HTR1E: variants seen among roughly 807,000 people sequenced by gnomAD.
HTR1E encodes 5-hydroxytryptamine receptor 1E.
In HTR1E, 3 loss-of-function variants were observed where a neutral mutation model predicts 3.4. The observed-to-expected ratio is 0.89, with a 90% confidence interval of 0.41 to 2.31. The LOEUF (loss-of-function observed/expected upper bound fraction) is 2.31. Among genes scored for constraint, HTR1E ranks in the 30% most tolerant of loss-of-function variants. The pLI is 0.05. For missense variants in HTR1E, 392 were observed against 467.0 expected (o/e 0.84, Z 1.48); for synonymous variants, 170 against 182.8 (o/e 0.93, Z 0.56).
rs143771749 is a variant in HTR1E, at chr6:87,004,489, A to G, written c.-185-10661A>G. Reference sequence around the variant, plus strand: ...ACATTATGTCAACAGAATAAAGGACAAAAACCATATGGTCACTTCAGTTGA... The same window carrying G: ...ACATTATGTCAACAGAATAAAGGACGAAAACCATATGGTCACTTCAGTTGA... On this transcript the variant is annotated intron_variant, in intron 1 of 1. Transcript: ENST00000305344. Among the ~76,000 whole-genome samples the G allele has an allele frequency of 1.1e-3, 162 of 152,314 alleles. 1 individual carries two copies. The highest frequency in any genetic ancestry group is 3.8e-3 in the African/African-American group (157 of 41,578).
rs571485711 is a variant in HTR1E, at chr6:87,006,330, G to T, written c.-185-8820G>T. On this transcript the variant is annotated intron_variant, in intron 1 of 1. Transcript: ENST00000305344. ...GCTAAGATTTGGAAGCAACCTAAGTGTTCATCAACAAATGAATTGATAAGG... is the reference window on the plus strand; with the variant it reads ...GCTAAGATTTGGAAGCAACCTAAGTTTTCATCAACAAATGAATTGATAAGG... 2.0e-5 allele frequency among the ~76,000 whole-genome samples: 3 copies of T among 152,254 alleles called. No homozygotes were observed. The East Asian group carries it at 5.8e-4, about 29-fold the overall frequency.
intron 1 of HTR1E, among the ~76,000 whole-genome samples, chr6:86,987,674 G>A (rs893893001): frequency 2.0e-5 from 3 of 152,126 alleles, no homozygotes; most frequent in Non-Finnish European, 4.4e-5. Context: ...AGCAAGATGG[G>A]TAATTTATAA....
At chr6:86,995,071 C>T (rs1372434730) in intron 1 of HTR1E, among the ~76,000 whole-genome samples, 2 of 152,062 alleles carry the variant, frequency 1.3e-5, no homozygotes, top group East Asian at 3.9e-4. Context: ...AACAGAAAAA[C>T]ATAAACAGTG....
At chr6:87,012,685 A>G (rs912115345) in intron 1 of HTR1E, among the ~76,000 whole-genome samples, 2 of 152,244 alleles carry the variant, frequency 1.3e-5, no homozygotes, top group Non-Finnish European at 2.9e-5. Context: ...AAATTAGTAT[A>G]ACAAATGACC....
intron 1 of HTR1E, among the ~76,000 whole-genome samples, chr6:87,004,163 C>T (rs929533035): frequency 6.6e-6 from 1 of 152,046 alleles, no homozygotes; most frequent in Non-Finnish European, 1.5e-5. Context: ...CTTCACTGCT[C>T]GATTTTACCA....
Position 86,984,477 on chromosome 6 carries a change from G to A in HTR1E, c.-185-30673G>A, listed in dbSNP as rs1767755450. The stretch of plus-strand genomic sequence containing the variant: ...TACCCATGACTTGGGTTTTAATACT[G>A]TACTCTAACCAGCAGCAAGAGAGAG... On this transcript the variant is annotated intron_variant, in intron 1 of 1. Coordinates refer to ENST00000305344, the MANE Select transcript of HTR1E (RefSeq NM_000865.3). Among the ~76,000 whole-genome samples, 5 of 152,262 alleles carry A rather than the reference G, an allele frequency of 3.3e-5. No individual in the cohort carries two copies. In the South Asian group the frequency reaches 1.0e-3, roughly 32 times the overall value.
rs1027967994 is a variant in HTR1E, at chr6:86,993,816, G to GA, written c.-185-21324dup. 2.3e-3 allele frequency among the ~76,000 whole-genome samples: 339 copies of GA among 147,182 alleles called. 8 individuals carry two copies. In the East Asian group the frequency reaches 0.059, roughly 26 times the overall value. ...GACCAGGAAAATTTAACTTAAATGA[G>GA]AAAAAAAAAATCTGCAGACGAAAAG... On this transcript the variant is annotated intron_variant, in intron 1 of 1. Transcript: ENST00000305344.
At chr6:87,010,767 A>G (rs1768216701) in intron 1 of HTR1E, among the ~76,000 whole-genome samples, 2 of 150,886 alleles carry the variant, frequency 1.3e-5, no homozygotes, top group Non-Finnish European at 3.0e-5. Flanking sequence ...AGAGGCTGCA[A>G]TCTCGGCACT....
chr6:86,971,783 C>G (rs1767561062), intron 1 of HTR1E, among the ~76,000 whole-genome samples: 1 of 152,176 alleles, frequency 6.6e-6, no homozygotes, highest in African/African-American at 2.4e-5. Flanking sequence ...GATTTAGACT[C>G]TAGAGATTCC....
intron 1 of HTR1E, among the ~76,000 whole-genome samples, chr6:86,985,547 C>T (rs1245950231): frequency 6.6e-6 from 1 of 152,012 alleles, no homozygotes; most frequent in African/African-American, 2.4e-5. Flanking sequence ...GAAAAAAAAG[C>T]AAGGCTCAGA....
chr6:87,007,340 G>T (rs182119812), intron 1 of HTR1E, among the ~76,000 whole-genome samples: 1 of 152,146 alleles, frequency 6.6e-6, no homozygotes, highest in South Asian at 2.1e-4. Flanking sequence ...GTAGTTGCAG[G>T]GGGTGGAGAG....
intron 1 of HTR1E, among the ~76,000 whole-genome samples, chr6:86,966,227 G>A (rs1237808474): frequency 2.0e-5 from 3 of 152,070 alleles, no homozygotes; most frequent in Admixed American, 6.5e-5. Context: ...TGAAAATAAA[G>A]TCAGGTTAAG....
chr6:86,959,910 A>G (rs2127820116), intron 1 of HTR1E, among the ~76,000 whole-genome samples: 1 of 152,266 alleles, frequency 6.6e-6, no homozygotes, highest in Admixed American at 6.5e-5. Flanking sequence ...CTGTGTCTGT[A>G]GGGACACTCT....
intron 1 of HTR1E, among the ~76,000 whole-genome samples, chr6:87,009,692 C>T (rs1250992639): frequency 1.4e-4 from 20 of 139,664 alleles, no homozygotes; most frequent in Middle Eastern, 4.2e-3. Context: ...GGCGGGGGGC[C>T]GACCCCCCAA....
intron 1 of HTR1E, among the ~76,000 whole-genome samples, chr6:86,993,777 G>A (rs1293962979): frequency 6.6e-6 from 1 of 151,628 alleles, no homozygotes; most frequent in African/African-American, 2.4e-5. Context: ...TAAAAAGTCA[G>A]TCATCATATC....
rs1190411423 is a variant in HTR1E at position 86,962,963 on chromosome 6, G to A, written c.-186+25140G>A. Among the ~76,000 whole-genome samples, 3 of 152,040 alleles carry A rather than the reference G, an allele frequency of 2.0e-5. No individual in the cohort carries two copies. In the East Asian group the frequency reaches 5.8e-4, roughly 29 times the overall value. On this transcript the variant is annotated intron_variant, in intron 1 of 1. Coordinates refer to ENST00000305344, the MANE Select transcript of HTR1E (RefSeq NM_000865.3). ...ACACTATACTTTTATTGTTATTTTA[G>A]TGTGCTCCTTCTACTCATTAAAAAA...
At chr6:86,938,121 A>C (rs1284355159) in intron 1 of HTR1E, among the ~76,000 whole-genome samples, 1 of 152,226 alleles carries the variant, frequency 6.6e-6, no homozygotes, top group African/African-American at 2.4e-5. Context: ...CAAAAGGATT[A>C]GAGGCAGCTT....
chr6:86,979,336 T>C (rs1168470146), intron 1 of HTR1E, among the ~76,000 whole-genome samples: 1 of 152,230 alleles, frequency 6.6e-6, no homozygotes, highest in Non-Finnish European at 1.5e-5. Flanking sequence ...TATACTTTTC[T>C]GAAAAGGGGA....
rs747691037 is a variant in HTR1E at position 87,016,178 on chromosome 6, T to G, written c.844T>G (p.Ser282Ala). 2 of 1,614,050 alleles carry G rather than the reference T, an allele frequency of 1.2e-6. No homozygotes were observed. Among genetic ancestry groups the G allele is most frequent in the African/African-American group, 2.7e-5 (2 of 74,930 alleles). The change falls in exon 2 of 2, where the codon TCT becomes GCT. Residue 282 changes from serine (S) to alanine (A), a missense_variant. By Grantham distance (99) the Ser-to-Ala change is moderately conservative (BLOSUM62 1). Around this residue, in one of 3 missense-constraint regions of HTR1E, gnomAD observed 178 missense variants for 164.9 expected, o/e 1.08. Transcript: ENST00000305344. Reference protein sequence around the residue: ...LDHPGERQQISSTRERKAARI... With the variant: ...LDHPGERQQIASTRERKAARI... ...TCACCCAGGAGAACGTCAGCAGATC[T>G]CTAGCACCAGGGAACGGAAGGCAGC... is the stretch of plus-strand genomic sequence containing the variant.
Sources: allele counts gnomAD v4.1 joint callset (sites outside exome capture counted in the v4.1 genomes callset), GRCh38; gene constraint gnomAD v4.1.1; regional missense constraint gnomAD v4.1.1; transcripts MANE v1.5; gene names NCBI Gene and HGNC (gene_info 2026-07-23, HGNC 2026-07-21).